The following SPINK1 variants were observed in gnomAD, a reference collection of about 807,000 sequenced individuals.
The protein encoded by SPINK1 is serine protease inhibitor Kazal-type 1.
SPINK1 carries 5 observed loss-of-function variants against 9.5 expected under a neutral mutation model. That is an observed-to-expected ratio of 0.52 (90% CI 0.27 to 1.10). The LOEUF is 1.10. Ranked by LOEUF, SPINK1 falls within the 50% of genes least tolerant of loss-of-function variation. The pLI is 0.11. For synonymous variants in SPINK1, 37 were observed against 32.3 expected, an observed-to-expected ratio of 1.14 and a Z score of -0.49; for missense variants, 88 against 92.7, an observed-to-expected ratio of 0.95 and a Z score of 0.21.
At chr5:147,837,198 G>A in the SPINK1 span, among the ~76,000 whole-genome samples, 1 of 152,128 alleles carries the variant, frequency 6.6e-6, no homozygotes, top group African/African-American at 2.4e-5. Context: ...GCCTGGCACA[G>A]CACCCTTTAA....
upstream of SPINK1, among the ~76,000 whole-genome samples, chr5:147,836,297 TG>T (rs1429886734): frequency 3.2e-4 from 8 of 24,980 alleles, no homozygotes; most frequent in African/African-American, 3.4e-3. Context: ...TTTACTGATT[TG>T]TGTGTGTGTG....
the SPINK1 span, among the ~76,000 whole-genome samples, chr5:147,837,711 T>A: frequency 2.7e-5 from 4 of 148,000 alleles, no homozygotes; most frequent in Admixed American, 2.7e-4. Context: ...CTTTCTTTCT[T>A]TCTTTTTTGG....
chr5:147,832,702 A>G (rs962204787), upstream of SPINK1, among the ~76,000 whole-genome samples: 1 of 152,166 alleles, frequency 6.6e-6, no homozygotes, highest in African/African-American at 2.4e-5. Context: ...ACAAATTCCA[A>G]TACTCTGGCT....
At chr5:147,836,837 T>C in the SPINK1 span, among the ~76,000 whole-genome samples, 1 of 152,180 alleles carries the variant, frequency 6.6e-6, no homozygotes, top group Non-Finnish European at 1.5e-5. Flanking sequence ...TTTCTTTCCT[T>C]GTCTAGAACA....
Position 147,828,006 on chromosome 5 carries a change from T to A in SPINK1, c.194+16A>T. The A allele has an allele frequency of 5.0e-6, 8 of 1,588,910 alleles. No homozygotes were observed. The highest frequency in any genetic ancestry group is 6.9e-6 in the Non-Finnish European group (8 of 1,159,670). On this transcript the variant is annotated intron_variant, in intron 3 of 3. Coordinates refer to ENST00000296695, the MANE Select transcript of SPINK1 (RefSeq NM_001379610.1). The stretch of plus-strand genomic sequence containing the variant: ...TTAAAATATATAGTTTAAAAGAAAC[T>A]CAAGTTTGTACTCACCGATTTTCAA...
chr5:147,830,324 T>C (rs1171348464), intron 1 of SPINK1, among the ~76,000 whole-genome samples: 1 of 152,188 alleles, frequency 6.6e-6, no homozygotes, highest in Non-Finnish European at 1.5e-5. Context: ...GAGGTTTTGC[T>C]GACAACATAT....
At chr5:147,831,702 C>T (rs1034297075), upstream of SPINK1, 5 of 1,531,750 alleles carry the variant, frequency 3.3e-6, no homozygotes, top group African/African-American at 6.9e-5. Context: ...TGGGCTATAT[C>T]ACAGATCTCC....
Position 147,829,639 on chromosome 5 carries a change from A to C in SPINK1, c.56-9T>G. 6.2e-7 allele frequency: 1 copy of C among 1,611,662 alleles called. No homozygotes were observed. Among genetic ancestry groups the C allele is most frequent in the Non-Finnish European group, 8.5e-7 (1 of 1,178,208 alleles). On this transcript the variant is annotated splice_polypyrimidine_tract_variant and intron_variant, in intron 1 of 3. Coordinates refer to ENST00000296695, the MANE Select transcript of SPINK1 (RefSeq NM_001379610.1). ...GTCAGCTCCAGTGTTACCTAGAAAT[A>C]AATCAGATATGGTAAGTTGGGTCCT...
At position 147,824,623 on chromosome 5, in the gene SPINK1, C is replaced by A. The variant is rs766673251; in HGVS notation, c.*38G>T. 1.3e-6 allele frequency: 2 copies of A among 1,598,670 alleles called. No individual in the cohort carries two copies. The highest frequency in any genetic ancestry group is 3.3e-5 in the Admixed American group (2 of 59,966). ...TTATTCAACAATAAGGCCAGTCAGG[C>A]CTCGCGGTGACCTGATGGGATTTCA... On this transcript the variant is annotated 3_prime_UTR_variant, in exon 4 of 4. Coordinates refer to ENST00000296695, the MANE Select transcript of SPINK1 (RefSeq NM_001379610.1).
intron 2 of SPINK1, among the ~76,000 whole-genome samples, chr5:147,828,913 A>G (rs1156297136): frequency 6.6e-6 from 1 of 151,508 alleles, no homozygotes; most frequent in African/African-American, 2.4e-5. Flanking sequence ...TTTTTGGCTC[A>G]AAATAACCCC....
At chr5:147,837,649 TTTTCTTTCTTTCTTTCTTTCTTTCTTTC>T in the SPINK1 span, among the ~76,000 whole-genome samples, 73 of 107,118 alleles carry the variant, frequency 6.8e-4, 1 homozygote, top group East Asian at 0.018. Context: ...CATTAACTTC[TTTTCTTTCTTTCTTTCTTTCTTTCTTTC>T]TTTCTTTCTT....
the SPINK1 span, among the ~76,000 whole-genome samples, chr5:147,838,175 TTAAC>T: frequency 6.6e-6 from 1 of 152,166 alleles, no homozygotes; most frequent in Non-Finnish European, 1.5e-5. Context: ...ACAGCAATCA[TTAAC>T]TAAATGTTCA....
chr5:147,826,179 C>G (rs1421784964), intron 3 of SPINK1, among the ~76,000 whole-genome samples: 1 of 152,164 alleles, frequency 6.6e-6, no homozygotes, highest in African/African-American at 2.4e-5. Flanking sequence ...AGCACATAAT[C>G]ACCAAAAAGA....
chr5:147,834,828 T>C (rs1391668133), upstream of SPINK1, among the ~76,000 whole-genome samples: 3 of 152,156 alleles, frequency 2.0e-5, no homozygotes, highest in Admixed American at 1.3e-4. Flanking sequence ...TTTTGAGTTA[T>C]GGCCTAGCAT....
At chr5:147,824,764 T>C (rs934765687) in intron 3 of SPINK1, 58 bp from the exon 4 acceptor site, 2 of 1,511,594 alleles carry the variant, frequency 1.3e-6, no homozygotes, top group African/African-American at 1.4e-5. Flanking sequence ...AAAAAGTGAC[T>C]ATGGGAGAAA....
At chr5:147,831,302 T>G (rs534054740) in intron 1 of SPINK1, among the ~76,000 whole-genome samples, 46 of 152,202 alleles carry the variant, frequency 3.0e-4, no homozygotes, top group Non-Finnish European at 6.2e-4. Context: ...AGGAAAACCA[T>G]TTTATTTCTG....
chr5:147,830,478 A>C (rs947068487), intron 1 of SPINK1, among the ~76,000 whole-genome samples: 1 of 152,216 alleles, frequency 6.6e-6, no homozygotes, highest in African/African-American at 2.4e-5. Flanking sequence ...CTTTGTATCT[A>C]AATGTAATGA....
rs759755519 is a variant in SPINK1 at position 147,828,003 on chromosome 5, A to C, written c.194+19T>G. On this transcript the variant is annotated intron_variant, in intron 3 of 3. Coordinates refer to ENST00000296695, the MANE Select transcript of SPINK1 (RefSeq NM_001379610.1). Reference sequence around the variant, plus strand: ...AACTTAAAATATATAGTTTAAAAGAAACTCAAGTTTGTACTCACCGATTTT... The same window carrying C: ...AACTTAAAATATATAGTTTAAAAGACACTCAAGTTTGTACTCACCGATTTT... The C allele has an allele frequency of 3.1e-5, 49 of 1,576,902 alleles. 1 individual carries two copies. In the East Asian group the frequency reaches 1.1e-3, roughly 36 times the overall value.
chr5:147,834,968 A>G (rs181471504), upstream of SPINK1, among the ~76,000 whole-genome samples: 16 of 152,208 alleles, frequency 1.1e-4, no homozygotes, highest in African/African-American at 3.6e-4. Flanking sequence ...CTAATCTGTG[A>G]TTAGAAAAAA....
Sources: gnomAD v4.1 joint callset for allele counts (sites outside exome capture counted in the v4.1 genomes callset) on GRCh38, gnomAD v4.1.1 for gene constraint, MANE v1.5 for transcripts, NCBI Gene and HGNC (gene_info 2026-07-23, HGNC 2026-07-21) for gene names.